SAMD5: variants seen among roughly 807,000 people sequenced by gnomAD.
The protein encoded by SAMD5 is sterile alpha motif domain containing 5.
In SAMD5, 13 loss-of-function variants were observed where a neutral mutation model predicts 11.3. The ratio of observed to expected loss-of-function variants is 1.15; its 90% CI spans 0.75 to 1.83. SAMD5 has a LOEUF of 1.83. Ranked by LOEUF, SAMD5 falls within the 40% of genes most tolerant of loss-of-function variation. SAMD5 has a pLI of 0.00. For synonymous variants in SAMD5, 129 were observed against 111.3 expected (o/e 1.16, Z -1.00); for missense variants, 255 against 239.1 (o/e 1.07, Z -0.44).
At chr6:147,610,198 G>A (rs1357174395) in intron 1 of SAMD5, among the ~76,000 whole-genome samples, 1 of 152,142 alleles carries the variant, frequency 6.6e-6, no homozygotes, top group African/African-American at 2.4e-5. Flanking sequence ...AAGTATTTGG[G>A]CTGGCTGATA....
Position 147,567,022 on chromosome 6 carries a change from G to T in SAMD5, c.*2566G>T. ...GTTATAAAAACTAGGGGATTATCTT[G>T]ATTTACATTTCCTAGAGTATTAAAA... On this transcript the variant is annotated 3_prime_UTR_variant, in exon 2 of 2. Transcript: ENST00000367474. The T allele has an allele frequency of 1.1e-6, 1 of 888,532 alleles. No homozygotes were observed. The highest frequency in any genetic ancestry group is 1.3e-6 in the Non-Finnish European group (1 of 742,078). The allele number at this position is 888,532 out of a possible 1,614,324, so 55.0% of individuals were successfully genotyped here. A position where few individuals can be genotyped will look rare whatever the true frequency, so the allele number is the denominator to read the frequency against.
chr6:147,687,843 G>C (rs1003254030), intron 1 of SAMD5, among the ~76,000 whole-genome samples: 2 of 152,098 alleles, frequency 1.3e-5, no homozygotes, highest in Admixed American at 6.5e-5. Context: ...TGAGGGTAAC[G>C]TGTTTTTATC....
chr6:147,651,983 A>G (rs1790492272), intron 1 of SAMD5, among the ~76,000 whole-genome samples: 1 of 152,164 alleles, frequency 6.6e-6, no homozygotes, highest in Admixed American at 6.5e-5. Flanking sequence ...GCCTCTTACC[A>G]GCCAGGCCCC....
the SAMD5 span, among the ~76,000 whole-genome samples, chr6:147,758,529 T>C: frequency 6.6e-6 from 1 of 152,228 alleles, no homozygotes; most frequent in Non-Finnish European, 1.5e-5. Context: ...TGTTTTGATA[T>C]TTCAGCACTG....
chr6:147,946,679 GCA>G, the SAMD5 span, among the ~76,000 whole-genome samples: 5 of 152,180 alleles, frequency 3.3e-5, no homozygotes, highest in African/African-American at 1.2e-4. Context: ...AATTTCTAGT[GCA>G]CAGTTTCTGC....
chr6:147,514,407 G>A (rs1788133767), intron 1 of SAMD5, among the ~76,000 whole-genome samples: 1 of 151,366 alleles, frequency 6.6e-6, no homozygotes, highest in Non-Finnish European at 1.5e-5. Flanking sequence ...GTTAGATGTT[G>A]TGATCTAGTG....
chr6:147,759,538 T>A, the SAMD5 span, among the ~76,000 whole-genome samples: 1 of 151,500 alleles, frequency 6.6e-6, no homozygotes, highest in South Asian at 2.1e-4. Context: ...TAGGGTAAGA[T>A]ATATATGTAT....
chr6:147,679,235 A>T (rs1005864060), intron 1 of SAMD5, among the ~76,000 whole-genome samples: 4 of 152,088 alleles, frequency 2.6e-5, no homozygotes, highest in African/African-American at 9.7e-5. Flanking sequence ...CTTCTGGACT[A>T]TTTTCCAAAG....
the SAMD5 span, among the ~76,000 whole-genome samples, chr6:147,850,042 G>T: frequency 6.6e-6 from 1 of 152,156 alleles, no homozygotes; most frequent in Non-Finnish European, 1.5e-5. Context: ...TCTTTACAAT[G>T]TATGCTTTAA....
chr6:147,595,522 C>CTTTTTTTTT (rs770537446), intron 1 of SAMD5, among the ~76,000 whole-genome samples: 11 of 106,652 alleles, frequency 1.0e-4, no homozygotes, highest in African/African-American at 3.9e-4. Context: ...ACTAAACTAC[C>CTTTTTTTTT]TTTTTTTTTT....
chr6:147,746,740 A>G, the SAMD5 span, among the ~76,000 whole-genome samples: 1 of 152,192 alleles, frequency 6.6e-6, no homozygotes, highest in East Asian at 1.9e-4. Flanking sequence ...TTCAAAAACT[A>G]TGGGTTGGTA....
the SAMD5 span, among the ~76,000 whole-genome samples, chr6:147,823,181 A>AT: frequency 6.6e-5 from 10 of 152,228 alleles, no homozygotes; most frequent in African/African-American, 2.2e-4. Context: ...ATATTTTGCT[A>AT]TTTTTTTGAT....
intron 1 of SAMD5, among the ~76,000 whole-genome samples, chr6:147,661,950 A>G (rs1329607063): frequency 2.6e-5 from 4 of 152,248 alleles, no homozygotes; most frequent in African/African-American, 7.2e-5. Flanking sequence ...GTTCTTTTAA[A>G]TAAGATGCTT....
intron 1 of SAMD5, among the ~76,000 whole-genome samples, chr6:147,676,900 G>T (rs1227240193): frequency 3.3e-5 from 5 of 151,842 alleles, no homozygotes; most frequent in Non-Finnish European, 5.9e-5. Flanking sequence ...AATTGAGGGA[G>T]GGGGAGTGAG....
chr6:147,804,155 T>TG, the SAMD5 span, among the ~76,000 whole-genome samples: 1 of 150,670 alleles, frequency 6.6e-6, no homozygotes, highest in African/African-American at 2.5e-5. Flanking sequence ...TCGGCCAGGC[T>TG]GGAGTGCAGT....
chr6:147,832,139 C>T, the SAMD5 span, among the ~76,000 whole-genome samples: 1,217 of 152,094 alleles, frequency 8.0e-3, 20 homozygotes, highest in African/African-American at 0.028. Context: ...TGAAAGCAAT[C>T]GTTGCTATTA....
the SAMD5 span, among the ~76,000 whole-genome samples, chr6:147,820,044 G>A: frequency 1.3e-5 from 2 of 152,194 alleles, no homozygotes; most frequent in East Asian, 3.9e-4. Flanking sequence ...AAAGTCTATG[G>A]GAGGTCGGGT....
the SAMD5 span, among the ~76,000 whole-genome samples, chr6:147,921,951 A>G: frequency 6.6e-6 from 1 of 152,228 alleles, no homozygotes; most frequent in East Asian, 1.9e-4. Context: ...TATTTTATAT[A>G]ATGGTCAGAA....
At chr6:147,933,565 C>T in the SAMD5 span, among the ~76,000 whole-genome samples, 1 of 152,258 alleles carries the variant, frequency 6.6e-6, no homozygotes, top group East Asian at 1.9e-4. Flanking sequence ...CATTCCTATC[C>T]AGCTTTGTGT....
Sources: gnomAD v4.1 joint callset for allele counts (sites outside exome capture counted in the v4.1 genomes callset) on GRCh38, gnomAD v4.1.1 for gene constraint, MANE v1.5 for transcripts, NCBI Gene and HGNC (gene_info 2026-07-23, HGNC 2026-07-21) for gene names.